The following NELFCD variants were observed in gnomAD, a reference collection of about 807,000 sequenced individuals.
The protein encoded by NELFCD is negative elongation factor complex member C/D.
Under a neutral mutation model 72.9 loss-of-function variants are expected in NELFCD, and 48 were observed. The observed-to-expected ratio is 0.66, with a 90% CI of 0.52 to 0.84. NELFCD has a LOEUF of 0.84. Ranked by LOEUF, NELFCD falls within the 40% of genes least tolerant of loss-of-function variation. NELFCD has a pLI of 0.00. For synonymous variants in NELFCD, 297 were observed against 280.6 expected (o/e 1.06, Z -0.59); for missense variants, 538 against 723.8 (o/e 0.74, Z 2.94).
In NELFCD at chr20:58,986,092, G is replaced by T; in HGVS notation, c.61-1G>T. 1 of 1,605,322 alleles carries T rather than the reference G, an allele frequency of 6.2e-7. No individual in the cohort carries two copies. Among genetic ancestry groups the T allele is most frequent in the South Asian group, 1.1e-5 (1 of 90,878 alleles). On this transcript the variant is annotated splice_acceptor_variant, in intron 1 of 14. Coordinates refer to ENST00000652272, the MANE Select transcript of NELFCD (RefSeq NM_198976.4). LOFTEE classifies it high-confidence loss of function. This position sits in a 1 kb window ranked among gnomAD's most constrained non-coding sequence, Gnocchi z 4.4. ...TCCTGGCTCTTCGCATTTACCAACA[G>T]CAGGAGGATGATTCTGGAGAAGGAG...
intron 4 of NELFCD, 68 bp from the exon 5 acceptor site, chr20:58,988,846 C>A: frequency 8.7e-7 from 1 of 1,155,334 alleles, no homozygotes; most frequent in Non-Finnish European, 1.3e-6. Flanking sequence ...ATCGTTTATA[C>A]AACAGAATCT....
chr20:58,993,662 C>T lies in NELFCD; in HGVS notation c.1479C>T (p.His493=). Residue 493 remains histidine, a synonymous_variant, in exon 13 of 15, where the codon CAC becomes CAT. Transcript: ENST00000652272. This position sits in a 1 kb window ranked among gnomAD's most constrained non-coding sequence, Gnocchi z 5.0. The stretch of plus-strand genomic sequence containing the variant: ...AGACACTGCTGGACAGGATGGTTCA[C>T]CTGCTGAGTCGAGGTTATGTACTTC... ...LKKTLLDRMV[H]LLSRGYVLPV... is the part of the protein sequence containing the mutation. The T allele has an allele frequency of 6.2e-7, 1 of 1,614,220 alleles. No homozygotes were observed. Among genetic ancestry groups the T allele is most frequent in the African/African-American group, 1.3e-5 (1 of 75,072 alleles).
chr20:58,981,371 T>G lies in NELFCD; in HGVS notation c.60+2T>G, dbSNP rs1464973159. 9.2e-7 allele frequency: 1 copy of G among 1,092,872 alleles called. No homozygotes were observed. The highest frequency in any genetic ancestry group is 1.1e-6 in the Non-Finnish European group (1 of 895,208). The allele number at this position is 1,092,872 out of a possible 1,614,324, so 67.7% of individuals were successfully genotyped here. Reference sequence around the variant, plus strand: ...GGCGACGAGGCTGACGGCGGCCAGGTGAGGCGGGGCACTGGGCGCACCCTA... The same window carrying G: ...GGCGACGAGGCTGACGGCGGCCAGGGGAGGCGGGGCACTGGGCGCACCCTA... On this transcript the variant is annotated splice_donor_variant, in intron 1 of 14. Coordinates refer to ENST00000652272, the MANE Select transcript of NELFCD (RefSeq NM_198976.4). LOFTEE classifies it high-confidence loss of function.
chr20:58,981,355 G>A lies in NELFCD; in HGVS notation c.46G>A (p.Ala16Thr). Residue 16 changes from alanine to threonine, a missense_variant, in exon 1 of 15, where the codon GCT (alanine) becomes ACT (threonine). Ala to Thr is a moderately conservative substitution (Grantham distance 58, BLOSUM62 0). Coordinates refer to ENST00000652272, the MANE Select transcript of NELFCD (RefSeq NM_198976.4). Reference sequence around the variant, plus strand: ...GAGCGCGGCCGAGTGGGGCGACGAGGCTGACGGCGGCCAGGTGAGGCGGGG... The same window carrying A: ...GAGCGCGGCCGAGTGGGGCGACGAGACTGACGGCGGCCAGGTGAGGCGGGG... ...YGSAAEWGDEADGGQQEDDSG... is the reference protein window; with the variant it reads ...YGSAAEWGDETDGGQQEDDSG... 9.0e-7 allele frequency: 1 copy of A among 1,111,320 alleles called. No individual in the cohort carries two copies. The highest frequency in any genetic ancestry group is 1.7e-5 in the African/African-American group (1 of 60,156). The allele number at this position is 1,111,320 out of a possible 1,614,324, so 68.8% of individuals were successfully genotyped here.
rs2091829206 is a variant in NELFCD at position 58,993,061 on chromosome 20, C to CT, written c.1296dup (p.Gln433SerfsTer5). On this transcript the variant is annotated frameshift_variant, in exon 11 of 15. Coordinates refer to ENST00000652272, the MANE Select transcript of NELFCD (RefSeq NM_198976.4). LOFTEE classifies it high-confidence loss of function. The surrounding 1 kb of genome is among the most constrained non-coding windows in gnomAD (Gnocchi z 5.0). ...ATTGGACTGTATCAGAACCAAGGTA[C>CT]TTTCAGCTGCAGACTGACCATACCC... 3 of 1,614,170 alleles carry CT rather than the reference C, an allele frequency of 1.9e-6. No homozygotes were observed. Among genetic ancestry groups the CT allele is most frequent in the Non-Finnish European group, 1.7e-6 (2 of 1,180,020 alleles).
chr20:58,994,891 C>T lies in NELFCD; in HGVS notation c.*215C>T. The T allele has an allele frequency of 3.6e-6, 2 of 558,606 alleles. No individual in the cohort carries two copies. Among genetic ancestry groups the T allele is most frequent in the Non-Finnish European group, 6.4e-6 (2 of 314,092 alleles). 34.6% of individuals were successfully genotyped at this position (558,606 alleles called of 1,614,324 possible). The stretch of plus-strand genomic sequence containing the variant: ...TCTCTGCTGTCAATCCAATACTGCT[C>T]CCAAATCCTGTTTTCAGTGTTCATT... On this transcript the variant is annotated 3_prime_UTR_variant, in exon 15 of 15. Coordinates refer to ENST00000652272, the MANE Select transcript of NELFCD (RefSeq NM_198976.4).
At chr20:58,983,908 A>C (rs963674485) in intron 1 of NELFCD, among the ~76,000 whole-genome samples, 10 of 152,000 alleles carry the variant, frequency 6.6e-5, no homozygotes, top group Non-Finnish European at 1.3e-4. Flanking sequence ...CATGATCCTA[A>C]TTTGGCCCAC....
In NELFCD at chr20:58,991,866, T is replaced by C. The variant is rs1280323053; in HGVS notation, c.1090-15T>C. 1 of 1,613,118 alleles carries C rather than the reference T, an allele frequency of 6.2e-7. No homozygotes were observed. Among genetic ancestry groups the C allele is most frequent in the South Asian group, 1.1e-5 (1 of 90,978 alleles). On this transcript the variant is annotated splice_polypyrimidine_tract_variant and intron_variant, in intron 9 of 14. Coordinates refer to ENST00000652272, the MANE Select transcript of NELFCD (RefSeq NM_198976.4). Reference sequence around the variant, plus strand: ...CTGCCCTGTCAGGCTCACCAGCTTGTGTGTGTGTTTTCAGAACAAGCGAGT... The same window carrying C: ...CTGCCCTGTCAGGCTCACCAGCTTGCGTGTGTGTTTTCAGAACAAGCGAGT...
At position 58,991,904 on chromosome 20, in the gene NELFCD, A is replaced by G. The variant is rs2091820241; in HGVS notation, c.1113A>G (p.Lys371=). ...AGAACAAGCGAGTGAGCATCAATAA[A>G]GATGAGCTGAAGTCAACGTCAAAAG... ...WKKNKRVSIN[K]DELKSTSKAV... Residue 371 remains lysine (K), a synonymous_variant, in exon 10 of 15, where the codon AAA becomes AAG. Coordinates refer to ENST00000652272, the MANE Select transcript of NELFCD (RefSeq NM_198976.4). 1 of 1,614,232 alleles carries G rather than the reference A, an allele frequency of 6.2e-7. No individual in the cohort carries two copies. The highest frequency in any genetic ancestry group is 2.2e-5 in the East Asian group (1 of 44,888).
At chr20:58,981,711 G>C (rs936010205) in intron 1 of NELFCD, among the ~76,000 whole-genome samples, 1 of 151,842 alleles carries the variant, frequency 6.6e-6, no homozygotes, top group African/African-American at 2.4e-5. Flanking sequence ...CGCGGCGGGC[G>C]GGACACCAAC....
chr20:58,981,679 C>T (rs980215683), intron 1 of NELFCD, among the ~76,000 whole-genome samples: 1 of 151,490 alleles, frequency 6.6e-6, no homozygotes, highest in Non-Finnish European at 1.5e-5. Context: ...CCGGCCAGGC[C>T]CGGCGCCGGC....
At position 58,994,761 on chromosome 20, in the gene NELFCD, G is replaced by A. The variant is rs7341; in HGVS notation, c.*85G>A. ...TTCAAGAAGCTGTTTTAAGAGGCTC[G>A]GGCAGCGTCTTGAAAATGGGCACCG... On this transcript the variant is annotated 3_prime_UTR_variant, in exon 15 of 15. Coordinates refer to ENST00000652272, the MANE Select transcript of NELFCD (RefSeq NM_198976.4). 1.4e-5 allele frequency: 16 copies of A among 1,150,176 alleles called. No individual in the cohort carries two copies. Among genetic ancestry groups the A allele is most frequent in the South Asian group, 3.9e-5 (3 of 77,580 alleles). 71.2% of individuals were successfully genotyped at this position (1,150,176 alleles called of 1,614,324 possible).
rs1315472551 is a variant in NELFCD at position 58,993,477 on chromosome 20, C to T, written c.1373C>T (p.Pro458Leu). The change falls in exon 12 of 15, where the codon CCC (proline) becomes CTC (leucine). Residue 458 changes from proline to leucine, a missense_variant. Physicochemically the swap from Pro to Leu is moderately conservative, Grantham distance 98. Around this residue, in one of 3 missense-constraint regions of NELFCD, gnomAD observed 136 missense variants for 154.0 expected, o/e 0.88. Transcript: ENST00000652272. This position sits in a 1 kb window ranked among gnomAD's most constrained non-coding sequence, Gnocchi z 5.0. ...AGCACCTGCCACCAGCTCCTGCACCCCCAGGTCCTGCAGCTGCTTGTTAAG... is the reference window on the plus strand; with the variant it reads ...AGCACCTGCCACCAGCTCCTGCACCTCCAGGTCCTGCAGCTGCTTGTTAAG... ...EISTCHQLLHPQVLQLLVKLF... is the reference protein window; with the variant it reads ...EISTCHQLLHLQVLQLLVKLF... 6.2e-6 allele frequency: 10 copies of T among 1,613,984 alleles called. No homozygotes were observed. The highest frequency in any genetic ancestry group is 8.5e-6 in the Non-Finnish European group (10 of 1,180,048).
In NELFCD at chr20:58,981,307, A is replaced by G. The variant is rs1349030282; in HGVS notation, c.-3A>G. 3.7e-6 allele frequency: 4 copies of G among 1,083,414 alleles called. No homozygotes were observed. Among genetic ancestry groups the G allele is most frequent in the South Asian group, 3.9e-5 (1 of 25,972 alleles). 67.1% of individuals were successfully genotyped at this position (1,083,414 alleles called of 1,614,324 possible). ...CATGGCGGGGGCCGTGCCGGGCGCC[A>G]TCATGGACGAGGACTACTACGGGAG... On this transcript the variant is annotated 5_prime_UTR_variant, in exon 1 of 15. Transcript: ENST00000652272.
chr20:58,986,599 T>C lies in NELFCD; in HGVS notation c.177-155T>C. On this transcript the variant is annotated intron_variant, in intron 2 of 14. Transcript: ENST00000652272. This position sits in a 1 kb window ranked among gnomAD's most constrained non-coding sequence, Gnocchi z 4.4. ...CTCAAGTGATTCTCCCACCTCTGCC[T>C]CCCAAAGTGCTGGGATTACAGGTGT... The C allele has an allele frequency of 1.4e-6, 1 of 689,850 alleles. No individual in the cohort carries two copies. The highest frequency in any genetic ancestry group is 1.6e-5 in the South Asian group (1 of 62,838). The allele number at this position is 689,850 out of a possible 1,614,324, so 42.7% of individuals were successfully genotyped here.
rs373374728 is a variant in NELFCD, at chr20:58,991,307, C to G, written c.955-5C>G. 1.9e-6 allele frequency: 3 copies of G among 1,614,206 alleles called. No homozygotes were observed. The Admixed American group carries it at 5.0e-5, about 27-fold the overall frequency. Reference sequence around the variant, plus strand: ...ATCCCGAACTGGGCATATGCTTCTCCTCAGATCCGCGTTCCAGCCTTCCTG... The same window carrying G: ...ATCCCGAACTGGGCATATGCTTCTCGTCAGATCCGCGTTCCAGCCTTCCTG... On this transcript the variant is annotated splice_region_variant and splice_polypyrimidine_tract_variant and intron_variant, in intron 8 of 14. Coordinates refer to ENST00000652272, the MANE Select transcript of NELFCD (RefSeq NM_198976.4).
At position 58,991,036 on chromosome 20, in the gene NELFCD, C is replaced by G. The variant is rs772615957; in HGVS notation, c.915C>G (p.Phe305Leu). 6 of 1,614,066 alleles carry G rather than the reference C, an allele frequency of 3.7e-6. No individual in the cohort carries two copies. The highest frequency in any genetic ancestry group is 5.1e-6 in the Non-Finnish European group (6 of 1,180,040). ...ALNPADITVL[F>L]KMFTSMDPPP... is the part of the protein sequence containing the mutation. ...ACCCTGCTGACATCACCGTCCTGTT[C>G]AAGATGTTCACAAGCATGGACCCTC... Residue 305 changes from phenylalanine to leucine, a missense_variant, in exon 8 of 15, where the codon TTC becomes TTG. By Grantham distance (22) the Phe-to-Leu change is conservative (BLOSUM62 0). This residue lies in a region of NELFCD where 355 missense variants were observed against 534.5 expected (regional missense o/e 0.66). Coordinates refer to ENST00000652272, the MANE Select transcript of NELFCD (RefSeq NM_198976.4).
chr20:58,992,139 T>C, intron 10 of NELFCD, 119 bp downstream of exon 10: 1 of 1,152,254 alleles, frequency 8.7e-7, no homozygotes. Flanking sequence ...TTATTTATTT[T>C]TTCATTTTTA....
rs1439798255 is a variant in NELFCD, at chr20:58,986,267, G to A, written c.176+59G>A. The A allele has an allele frequency of 1.8e-6, 2 of 1,106,442 alleles. No individual in the cohort carries two copies. The highest frequency in any genetic ancestry group is 3.1e-5 in the African/African-American group (2 of 65,134). 68.5% of individuals were successfully genotyped at this position (1,106,442 alleles called of 1,614,324 possible). On this transcript the variant is annotated intron_variant, in intron 2 of 14. Coordinates refer to ENST00000652272, the MANE Select transcript of NELFCD (RefSeq NM_198976.4). The surrounding 1 kb of genome is among the most constrained non-coding windows in gnomAD (Gnocchi z 4.4). ...CTGGGGGTAATTTAGAGAAAGTTTT[G>A]TAATACACCCAGAAGGTGCTATGTA...
Sources: gnomAD v4.1 joint callset for allele counts (sites outside exome capture counted in the v4.1 genomes callset) on GRCh38, gnomAD v4.1.1 for gene constraint, gnomAD v4.1.1 regional missense constraint, Gnocchi (gnomAD v3.1) non-coding constraint, MANE v1.5 for transcripts, NCBI Gene and HGNC (gene_info 2026-07-23, HGNC 2026-07-21) for gene names.